Variants in CAPN6 observed in about 807,000 individuals in gnomAD.
CAPN6 encodes calpain 6.
CAPN6 carries 16 observed loss-of-function variants against 46.0 expected under a neutral mutation model. The observed-to-expected ratio is 0.35, with a 90% CI of 0.24 to 0.53. The LOEUF (loss-of-function observed/expected upper bound fraction) is 0.53, where lower values mean the gene tolerates loss of function less well. CAPN6 is among the 20% of genes least tolerant of loss of function. The probability of loss-of-function intolerance (pLI) is 0.94; values close to 1 mark genes in which losing one functional copy is unlikely to be tolerated. For missense variants in CAPN6, 461 were observed against 498.0 expected, an observed-to-expected ratio of 0.93 and a Z score of 0.71; for synonymous variants, 206 against 172.8, an observed-to-expected ratio of 1.19 and a Z score of -1.51.
chrX:111,249,308 A>C lies in CAPN6; in HGVS notation c.1159-251T>G, dbSNP rs144874589. ...CCTTATTCTTAGCCTTTGATGCCAAAGAGGATATGCTTTGTTCTAATAAGT... is the reference window on the plus strand; with the variant it reads ...CCTTATTCTTAGCCTTTGATGCCAACGAGGATATGCTTTGTTCTAATAAGT... On this transcript the variant is annotated intron_variant, in intron 8 of 12. Transcript: ENST00000324068. Among the ~76,000 whole-genome samples the C allele has an allele frequency of 4.1e-3, 455 of 112,045 alleles. 4 individuals carry two copies. Among genetic ancestry groups the C allele is most frequent in the African/African-American group, 0.014 (440 of 30,854 alleles).
chrX:111,263,997 T>C, intron 1 of CAPN6, 46 bp from the exon 2 acceptor site: 1 of 911,630 alleles, frequency 1.1e-6, no homozygotes, highest in East Asian at 3.3e-5. Flanking sequence ...ATTTCTCAGG[T>C]CTTTTAAGGG....
intron 2 of CAPN6, among the ~76,000 whole-genome samples, chrX:111,256,512 A>C (rs777961190): frequency 5.6e-4 from 63 of 112,484 alleles, no homozygotes; most frequent in Non-Finnish European, 9.0e-4. Flanking sequence ...TAGATTAATA[A>C]GGCAAATTAT....
intron 2 of CAPN6, among the ~76,000 whole-genome samples, chrX:111,256,625 A>G (rs1479528458): frequency 9.0e-6 from 1 of 111,537 alleles, no homozygotes; most frequent in Non-Finnish European, 1.9e-5. Context: ...CTTAGCCAAC[A>G]CTTTTGGCAT....
chrX:111,252,962 C>T (rs2094980951), intron 4 of CAPN6, 46 bp downstream of exon 4: 10 of 1,075,448 alleles, frequency 9.3e-6, no homozygotes, highest in South Asian at 2.0e-5. Context: ...TGTGGCTTTC[C>T]TTTCCTCATG....
At chrX:111,252,116 G>T (rs905824881) in intron 5 of CAPN6, among the ~76,000 whole-genome samples, 191 bp downstream of exon 5, 1 of 111,936 alleles carries the variant, frequency 8.9e-6, no homozygotes, top group Non-Finnish European at 1.9e-5. Flanking sequence ...CATGTGGAAT[G>T]ACTGGTACAA....
intron 10 of CAPN6, 103 bp downstream of exon 10, chrX:111,248,466 A>T: frequency 1.7e-6 from 1 of 588,223 alleles, no homozygotes; most frequent in Non-Finnish European, 2.9e-6. Context: ...GATTTAAACA[A>T]GTTGTCCCAT....
Position 111,254,290 on chromosome X carries a change from C to T in CAPN6, c.279G>A (p.Gln93=). 1 of 1,208,277 alleles carries T rather than the reference C, an allele frequency of 8.3e-7. No homozygotes were observed. Among genetic ancestry groups the T allele is most frequent in the Non-Finnish European group, 1.1e-6 (1 of 892,893 alleles). ...ATAATACCTTTGTCCAATGAGACTC[C>T]TGAACAGCCAAACAGGAAAATGCAG... ...MVSAFSCLAV[Q]ESHWTKTIPN... The change falls in exon 3 of 13, where the codon CAG becomes CAA. Residue 93 remains glutamine, a synonymous_variant. Transcript: ENST00000324068.
chrX:111,263,159 C>T (rs929653876), intron 2 of CAPN6, among the ~76,000 whole-genome samples: 1 of 112,110 alleles, frequency 8.9e-6, no homozygotes, highest in Admixed American at 9.5e-5. Context: ...GCATATCTCT[C>T]TGTTTTTTGT....
Position 111,255,845 on chromosome X carries a change from CT to C in CAPN6, c.166-1443del, listed in dbSNP as rs758497254. On this transcript the variant is annotated intron_variant, in intron 2 of 12. Coordinates refer to ENST00000324068, the MANE Select transcript of CAPN6 (RefSeq NM_014289.4). ...GGTTGTCAGCTTTGGATTCTCAGGT[CT>C]TTTTTTTTAGATGCATGCCTGGTAG... Among the ~76,000 whole-genome samples, 776 of 109,773 alleles carry C rather than the reference CT, an allele frequency of 7.1e-3. 9 individuals carry two copies. Among genetic ancestry groups the C allele is most frequent in the African/African-American group, 0.025 (742 of 30,254 alleles).
At chrX:111,254,225 A>C (rs1449837820) in intron 3 of CAPN6, 47 bp downstream of exon 3, 1 of 1,114,392 alleles carries the variant, frequency 9.0e-7, no homozygotes, top group East Asian at 3.2e-5. Context: ...TTATTAAAGA[A>C]GACAAGAAAG....
chrX:111,249,971 A>T (rs1462274248), intron 8 of CAPN6, among the ~76,000 whole-genome samples: 2 of 111,455 alleles, frequency 1.8e-5, no homozygotes, highest in East Asian at 5.7e-4. Context: ...CTGTACATAC[A>T]TATAGAGTGA....
intron 5 of CAPN6, among the ~76,000 whole-genome samples, 167 bp from the exon 6 acceptor site, chrX:111,251,909 TA>T (rs747588175): frequency 8.9e-6 from 1 of 111,936 alleles, no homozygotes; most frequent in East Asian, 2.8e-4. Flanking sequence ...GGAAAATAAA[TA>T]AAGAATGTAA....
Position 111,245,435 on chromosome X carries a change from C to A in CAPN6, c.*1142G>T, listed in dbSNP as rs770428901. ...ATAATGACTGACTCTAGAGAAAATT[C>A]TGTAGAAGTACTGAAAAATGAGAGG... On this transcript the variant is annotated 3_prime_UTR_variant, in exon 13 of 13. Transcript: ENST00000324068. 9.0e-6 allele frequency: 1 copy of A among 111,223 alleles called. No individual in the cohort carries two copies. The highest frequency in any genetic ancestry group is 3.3e-5 in the African/African-American group (1 of 30,496). The allele number at this position is 111,223 out of a possible 1,213,427, so 9.2% of individuals were successfully genotyped here.
At position 111,246,685 on chromosome X, in the gene CAPN6, A is replaced by G. The variant is rs748188014; in HGVS notation, c.1818T>C (p.Arg606=). ...VTLDADPSDC[R]DLKSLYLRKK... ...TACGCAGGTACAGAGACTTCAGATCACGGCAGTCGCTGGGGTCAGCATCCA... is the reference window on the plus strand; with the variant it reads ...TACGCAGGTACAGAGACTTCAGATCGCGGCAGTCGCTGGGGTCAGCATCCA... The change falls in exon 13 of 13, where the codon CGT becomes CGC. Residue 606 remains arginine (R), a synonymous_variant. Transcript: ENST00000324068. The G allele has an allele frequency of 8.3e-7, 1 of 1,210,704 alleles. No homozygotes were observed.
Position 111,263,885 on chromosome X carries a change from G to T in CAPN6, c.52C>A (p.Gln18Lys). ...AGTCTGCTGTCTTTGATGCATTCCT[G>T]CTTCAGTTCCTGGTATTTCTGGTTT... is the stretch of plus-strand genomic sequence containing the variant. ...FKNQKYQELK[Q>K]ECIKDSRLFC... Residue 18 changes from glutamine (Q) to lysine (K), a missense_variant, in exon 2 of 13, where the codon CAG becomes AAG. Coordinates refer to ENST00000324068, the MANE Select transcript of CAPN6 (RefSeq NM_014289.4). 1 of 1,206,911 alleles carries T rather than the reference G, an allele frequency of 8.3e-7. No homozygotes were observed. The highest frequency in any genetic ancestry group is 1.1e-6 in the Non-Finnish European group (1 of 892,655).
chrX:111,254,548 G>C, intron 2 of CAPN6, 145 bp from the exon 3 acceptor site: 1 of 416,059 alleles, frequency 2.4e-6, no homozygotes. Flanking sequence ...GGGATGAAGG[G>C]AAGGCTGAGG....
chrX:111,251,300 G>GAAAAA lies in CAPN6; in HGVS notation c.894-19_894-15dup. 1.1e-6 allele frequency: 1 copy of GAAAAA among 928,993 alleles called. No individual in the cohort carries two copies. Among genetic ancestry groups the GAAAAA allele is most frequent in the Non-Finnish European group, 1.5e-6 (1 of 687,448 alleles). The allele number at this position is 928,993 out of a possible 1,213,427, so 76.6% of individuals were successfully genotyped here. On this transcript the variant is annotated splice_polypyrimidine_tract_variant and intron_variant, in intron 6 of 12. Coordinates refer to ENST00000324068, the MANE Select transcript of CAPN6 (RefSeq NM_014289.4). ...CACTCTTCAGAACTGAAAGTAAATA[G>GAAAAA]AAAAAAAAAAAAAAGATAAATCATT...
chrX:111,247,802 A>T, intron 11 of CAPN6, 69 bp downstream of exon 11: 1 of 1,130,422 alleles, frequency 8.8e-7, no homozygotes, highest in Non-Finnish European at 1.2e-6. Flanking sequence ...ATTTGTGATC[A>T]TGTTTTCTAA....
intron 10 of CAPN6, 43 bp from the exon 11 acceptor site, chrX:111,248,035 T>A: frequency 8.6e-7 from 1 of 1,168,097 alleles, no homozygotes. Flanking sequence ...ATGATAAATA[T>A]CCTTTGATGA....
Sources: allele counts gnomAD v4.1 joint callset (sites outside exome capture counted in the v4.1 genomes callset), GRCh38; gene constraint gnomAD v4.1.1; transcripts MANE v1.5; gene names NCBI Gene and HGNC (gene_info 2026-07-23, HGNC 2026-07-21).